The following CCSER1 variants were observed in gnomAD, a reference collection of about 807,000 sequenced individuals.
CCSER1 encodes coiled-coil serine rich protein 1.
Under a neutral mutation model 82.0 loss-of-function variants are expected in CCSER1, and 41 were observed. The observed-to-expected ratio is 0.50, with a 90% confidence interval of 0.39 to 0.65. CCSER1 has a LOEUF of 0.65. CCSER1 is among the 30% of genes least tolerant of loss of function. The pLI, the probability that CCSER1 is intolerant of heterozygous loss-of-function variation, is 0.00. For synonymous variants in CCSER1, 414 were observed against 383.9 expected (o/e 1.08, Z -0.92); for missense variants, 1,119 against 1,064.2 (o/e 1.05, Z -0.72).
chr4:90,698,384 G>A (rs984588394), intron 6 of CCSER1, among the ~76,000 whole-genome samples: 8 of 152,108 alleles, frequency 5.3e-5, no homozygotes, highest in African/African-American at 1.9e-4. Flanking sequence ...AGAGGAGAGA[G>A]ACTGAGTTAC....
At chr4:90,662,008 T>G (rs1730896203) in intron 6 of CCSER1, among the ~76,000 whole-genome samples, 1 of 150,684 alleles carries the variant, frequency 6.6e-6, no homozygotes, top group South Asian at 2.1e-4. Context: ...TTCTTTTTTT[T>G]TTTTTTTTGA....
chr4:91,554,310 A>G (rs1762305212), intron 10 of CCSER1, among the ~76,000 whole-genome samples: 1 of 151,298 alleles, frequency 6.6e-6, no homozygotes, highest in African/African-American at 2.4e-5. Context: ...TATATGATCT[A>G]TCCTGGAGAG....
intron 5 of CCSER1, among the ~76,000 whole-genome samples, chr4:90,483,519 C>G (rs993648362): frequency 2.6e-5 from 4 of 152,232 alleles, no homozygotes; most frequent in East Asian, 1.9e-4. Context: ...ACCGGTTGTT[C>G]CTTTCCATGT....
chr4:90,778,064 A>G (rs1352673812), intron 7 of CCSER1, among the ~76,000 whole-genome samples: 1 of 152,164 alleles, frequency 6.6e-6, no homozygotes, highest in African/African-American at 2.4e-5. Flanking sequence ...GGGGAAATAA[A>G]AGACTCAATA....
chr4:90,638,158 TG>T (rs1257248487), intron 6 of CCSER1, among the ~76,000 whole-genome samples: 1 of 152,316 alleles, frequency 6.6e-6, no homozygotes, highest in African/African-American at 2.4e-5. Context: ...AGGCATCTTC[TG>T]TGTGAGTGAA....
chr4:90,853,776 A>T (rs563440594), intron 8 of CCSER1, among the ~76,000 whole-genome samples: 1 of 152,276 alleles, frequency 6.6e-6, no homozygotes, highest in Non-Finnish European at 1.5e-5. Flanking sequence ...ACATTTCATA[A>T]ACAGCAATCT....
intron 10 of CCSER1, among the ~76,000 whole-genome samples, chr4:91,561,943 G>T (rs1762669889): frequency 6.6e-6 from 1 of 151,210 alleles, no homozygotes; most frequent in Non-Finnish European, 1.5e-5. Flanking sequence ...ATTTATTTTT[G>T]TGTGATTATA....
chr4:90,128,496 T>TGC (rs751543911), intron 1 of CCSER1, among the ~76,000 whole-genome samples: 8 of 82,942 alleles, frequency 9.6e-5, no homozygotes, highest in African/African-American at 6.1e-4. Context: ...GTTGTGTGCG[T>TGC]GTGTGTGTGT....
chr4:90,335,109 A>G (rs957031209), intron 3 of CCSER1, among the ~76,000 whole-genome samples: 1 of 152,212 alleles, frequency 6.6e-6, no homozygotes, highest in Non-Finnish European at 1.5e-5. Flanking sequence ...TCTGAAATCA[A>G]CTACCTTATT....
At chr4:90,918,732 A>G (rs1226761703) in intron 8 of CCSER1, among the ~76,000 whole-genome samples, 2 of 149,654 alleles carry the variant, frequency 1.3e-5, no homozygotes, top group Non-Finnish European at 3.0e-5. Context: ...TCATGGAGTC[A>G]GATTCTATGA....
chr4:90,434,810 A>G (rs1758787195), intron 4 of CCSER1, among the ~76,000 whole-genome samples: 1 of 152,204 alleles, frequency 6.6e-6, no homozygotes, highest in Non-Finnish European at 1.5e-5. Flanking sequence ...GTAGGGACAG[A>G]CTATGATCAA....
intron 4 of CCSER1, among the ~76,000 whole-genome samples, chr4:90,448,463 AT>A (rs1365637385): frequency 1.8e-5 from 2 of 108,720 alleles, no homozygotes; most frequent in African/African-American, 9.4e-5. Flanking sequence ...ATATATATAT[AT>A]ATATATATAT....
Position 91,505,339 on chromosome 4 carries a change from A to C in CCSER1, c.2218-93233A>C, listed in dbSNP as rs116589330. ...CCACATTTTCTTTAATCAGTCTATC[A>C]TCTATTGATGGGCATTTAGGTTGAT... On this transcript the variant is annotated intron_variant, in intron 10 of 10. Transcript: ENST00000509176. Among the ~76,000 whole-genome samples the C allele has an allele frequency of 6.1e-3, 933 of 152,270 alleles. 5 individuals carry two copies. Among genetic ancestry groups the C allele is most frequent in the African/African-American group, 0.016 (679 of 41,548 alleles).
At chr4:91,577,911 T>C (rs1418421121) in intron 10 of CCSER1, among the ~76,000 whole-genome samples, 1 of 151,994 alleles carries the variant, frequency 6.6e-6, no homozygotes, top group Non-Finnish European at 1.5e-5. Context: ...TGTGGATGAT[T>C]CTTCTGATTA....
chr4:90,362,455 G>A (rs1282795864), intron 3 of CCSER1, among the ~76,000 whole-genome samples: 1 of 152,134 alleles, frequency 6.6e-6, no homozygotes, highest in Admixed American at 6.6e-5. Flanking sequence ...TGGTTTAGAA[G>A]CATTAATCAA....
At chr4:90,864,886 G>T (rs1311147086) in intron 8 of CCSER1, among the ~76,000 whole-genome samples, 1 of 151,916 alleles carries the variant, frequency 6.6e-6, no homozygotes, top group East Asian at 1.9e-4. Flanking sequence ...TTTTCTTTGT[G>T]TTTCCAATGA....
At chr4:91,117,649 C>T (rs374499994) in intron 10 of CCSER1, among the ~76,000 whole-genome samples, 8 of 151,886 alleles carry the variant, frequency 5.3e-5, no homozygotes, top group East Asian at 3.9e-4. Flanking sequence ...TGTACCTTTG[C>T]GTTGTAAGGT....
chr4:90,682,561 T>C (rs1734078099), intron 6 of CCSER1, among the ~76,000 whole-genome samples: 2 of 152,064 alleles, frequency 1.3e-5, no homozygotes, highest in Non-Finnish European at 2.9e-5. Flanking sequence ...TTATTTTTTT[T>C]TCTAAAATAT....
At chr4:90,914,925 A>T (rs1727070105) in intron 8 of CCSER1, among the ~76,000 whole-genome samples, 2 of 152,216 alleles carry the variant, frequency 1.3e-5, no homozygotes, top group East Asian at 3.9e-4. Context: ...AAGAAATGGA[A>T]AAATTCCAGG....
Sources: allele counts gnomAD v4.1 joint callset (sites outside exome capture counted in the v4.1 genomes callset), GRCh38; gene constraint gnomAD v4.1.1; transcripts MANE v1.5; gene names NCBI Gene and HGNC (gene_info 2026-07-23, HGNC 2026-07-21).